Variants in RIC8B observed in about 807,000 individuals in gnomAD.
The protein encoded by RIC8B is RIC8 guanine nucleotide exchange factor B, also known as chaperone Ric-8B.
RIC8B carries 16 observed loss-of-function variants against 57.5 expected under a neutral mutation model. That is an observed-to-expected ratio of 0.28 (90% CI 0.19 to 0.42). The LOEUF is 0.42. RIC8B is among the 10% of genes least tolerant of loss of function. The probability of loss-of-function intolerance (pLI) is 1.00; values close to 1 mark genes in which losing one functional copy is unlikely to be tolerated. For synonymous variants in RIC8B, 216 were observed against 250.8 expected (o/e 0.86, Z 1.31); for missense variants, 481 against 677.0 (o/e 0.71, Z 3.21).
intron 3 of RIC8B, among the ~76,000 whole-genome samples, chr12:106,817,686 G>A (rs186613555): frequency 7.4e-4 from 112 of 152,100 alleles, no homozygotes; most frequent in Non-Finnish European, 1.2e-3. Context: ...TTAGCTGGGC[G>A]TGGTCACGGG....
At chr12:106,835,656 C>CT (rs1298599647) in intron 4 of RIC8B, among the ~76,000 whole-genome samples, 1 of 152,094 alleles carries the variant, frequency 6.6e-6, no homozygotes, top group Non-Finnish European at 1.5e-5. Context: ...AGTTTATTTT[C>CT]TTTTTTATAC....
chr12:106,835,722 G>A (rs950670960), intron 4 of RIC8B, among the ~76,000 whole-genome samples: 3 of 152,190 alleles, frequency 2.0e-5, no homozygotes, highest in Admixed American at 6.5e-5. Flanking sequence ...AATAAAGTGA[G>A]GTTTGAGCTA....
chr12:106,804,512 G>A (rs2136241081), intron 2 of RIC8B, among the ~76,000 whole-genome samples: 1 of 152,314 alleles, frequency 6.6e-6, no homozygotes, highest in East Asian at 1.9e-4. Context: ...CTAGGCTGAA[G>A]TAGGTACTAT....
rs1197068549 is a variant in RIC8B at position 106,886,085 on chromosome 12, T to C, written c.*70T>C. ...TTCTCTGTAGCTCCAGGGGAATCTT[T>C]TCTCTAAAACATTTATGCCCTTGCT... On this transcript the variant is annotated 3_prime_UTR_variant, in exon 10 of 10. Coordinates refer to ENST00000392837, the MANE Select transcript of RIC8B (RefSeq NM_001330145.2). The C allele has an allele frequency of 1.6e-5, 17 of 1,090,514 alleles. No homozygotes were observed. The East Asian group carries it at 4.0e-4, about 26-fold the overall frequency. The allele number at this position is 1,090,514 out of a possible 1,614,324, so 67.6% of individuals were successfully genotyped here. A position where few individuals can be genotyped will look rare whatever the true frequency, so the allele number is the denominator to read the frequency against.
chr12:106,812,458 T>TTA (rs1555250223), intron 2 of RIC8B, among the ~76,000 whole-genome samples: 4 of 149,972 alleles, frequency 2.7e-5, no homozygotes, highest in Non-Finnish European at 5.9e-5. Flanking sequence ...TTTTTTTTTT[T>TTA]AATTTTATTG....
At chr12:106,809,808 C>G (rs2045251216) in intron 2 of RIC8B, among the ~76,000 whole-genome samples, 1 of 151,944 alleles carries the variant, frequency 6.6e-6, no homozygotes, top group South Asian at 2.1e-4. Context: ...TCCATCCTCT[C>G]AAACTTTTAA....
In RIC8B at chr12:106,774,732, C is replaced by T; in HGVS notation, c.-14C>T. ...GGCGCGCAGAGCGGCCGCGGCTCCC[C>T]CGCACCTGCGGCCATGGATGAGGAG... On this transcript the variant is annotated 5_prime_UTR_variant, in exon 1 of 10. Transcript: ENST00000392837. 1 of 1,546,698 alleles carries T rather than the reference C, an allele frequency of 6.5e-7. No homozygotes were observed. Among genetic ancestry groups the T allele is most frequent in the Non-Finnish European group, 8.7e-7 (1 of 1,144,264 alleles).
At chr12:106,878,835 T>C (rs1950793028) in intron 9 of RIC8B, among the ~76,000 whole-genome samples, 1 of 150,202 alleles carries the variant, frequency 6.7e-6, no homozygotes, top group Non-Finnish European at 1.5e-5. Flanking sequence ...CCCCCCCCCT[T>C]TTCTTCTTTT....
intron 4 of RIC8B, among the ~76,000 whole-genome samples, chr12:106,839,942 C>CG (rs2046794690): frequency 6.6e-6 from 1 of 152,022 alleles, no homozygotes; most frequent in African/African-American, 2.4e-5. Flanking sequence ...CATTTGAGCC[C>CG]GGGAAGTCAA....
chr12:106,869,446 CTT>C (rs112951280), intron 8 of RIC8B, among the ~76,000 whole-genome samples: 7 of 144,434 alleles, frequency 4.8e-5, no homozygotes, highest in Admixed American at 6.9e-5. Flanking sequence ...TGGCCAGTAT[CTT>C]TTTTTTTTTT....
intron 4 of RIC8B, among the ~76,000 whole-genome samples, chr12:106,836,795 T>A (rs2046619693): frequency 1.3e-5 from 2 of 152,206 alleles, no homozygotes; most frequent in Admixed American, 6.5e-5. Flanking sequence ...TCCACTTCCA[T>A]CAGAATAAGA....
In RIC8B at chr12:106,842,754, C is replaced by T. The variant is rs369983781; in HGVS notation, c.1002C>T (p.Tyr334=). The T allele has an allele frequency of 1.7e-5, 28 of 1,613,400 alleles. No individual in the cohort carries two copies. The African/African-American group carries it at 2.9e-4, about 17-fold the overall frequency. The change falls in exon 5 of 10, where the codon TAC becomes TAT. Residue 334 remains tyrosine (Y), a synonymous_variant. Transcript: ENST00000392837. The stretch of plus-strand genomic sequence containing the variant: ...TTTTGAAAAACAATACCATGGTATA[C>T]AATGGTATGAATATGGAGGCCATTC... ...ETVLKNNTMV[Y]NGMNMEAIHV... is the part of the protein sequence containing the mutation.
chr12:106,807,884 G>A (rs529555455), intron 2 of RIC8B, among the ~76,000 whole-genome samples: 211 of 152,204 alleles, frequency 1.4e-3, no homozygotes, highest in Non-Finnish European at 2.2e-3. Context: ...TCAGGAGTTC[G>A]AGACCAGCCT....
chr12:106,800,410 A>G (rs1317035904), intron 2 of RIC8B, among the ~76,000 whole-genome samples: 1 of 151,998 alleles, frequency 6.6e-6, no homozygotes, highest in East Asian at 1.9e-4. Flanking sequence ...ATCTCACGAG[A>G]ACTCAGGACA....
At chr12:106,804,841 T>A (rs1283837987) in intron 2 of RIC8B, among the ~76,000 whole-genome samples, 1 of 152,074 alleles carries the variant, frequency 6.6e-6, no homozygotes, top group Non-Finnish European at 1.5e-5. Flanking sequence ...GTGTTCTGGA[T>A]TTAGAGGTGG....
At chr12:106,857,790 A>G (rs568430821) in intron 7 of RIC8B, among the ~76,000 whole-genome samples, 1 of 152,290 alleles carries the variant, frequency 6.6e-6, no homozygotes, top group East Asian at 1.9e-4. Flanking sequence ...AGTAGCTAGA[A>G]ACACTGCTTC....
At chr12:106,794,565 G>C (rs1210477394) in intron 2 of RIC8B, among the ~76,000 whole-genome samples, 1 of 152,150 alleles carries the variant, frequency 6.6e-6, no homozygotes, top group African/African-American at 2.4e-5. Context: ...CATTACAAGG[G>C]AAGGTCAATA....
intron 3 of RIC8B, chr12:106,823,264 A>G (rs1003296003): frequency 7.3e-6 from 2 of 272,818 alleles, no homozygotes; most frequent in Admixed American, 8.9e-5. Flanking sequence ...CGGAGAAGAT[A>G]CTTTAGCTGA....
Position 106,879,127 on chromosome 12 carries a change from T to C in RIC8B, c.1572-6777T>C. The C allele has an allele frequency of 1.0e-6, 1 of 985,798 alleles. No homozygotes were observed. The highest frequency in any genetic ancestry group is 1.2e-6 in the Non-Finnish European group (1 of 829,912). The allele number at this position is 985,798 out of a possible 1,614,324, so 61.1% of individuals were successfully genotyped here. ...AGCGGGAAGCTGAAACTCGTATAGG[T>C]AAATTCGAAGGGACTCTTGGGAGAT... is the stretch of plus-strand genomic sequence containing the variant. On this transcript the variant is annotated intron_variant, in intron 9 of 9. Transcript: ENST00000392837. The surrounding 1 kb of genome is among the most constrained non-coding windows in gnomAD (Gnocchi z 4.9).
Sources: allele counts gnomAD v4.1 joint callset (sites outside exome capture counted in the v4.1 genomes callset), GRCh38; gene constraint gnomAD v4.1.1; non-coding constraint Gnocchi (gnomAD v3.1); transcripts MANE v1.5; gene names NCBI Gene and HGNC (gene_info 2026-07-23, HGNC 2026-07-21).